Variants in MGAT4C observed in about 807,000 individuals in gnomAD.
MGAT4C encodes MGAT4 family member C, also known as alpha-1,3-mannosyl-glycoprotein 4-beta-N-acetylglucosaminyltransferase C.
MGAT4C carries 19 observed loss-of-function variants against 40.1 expected under a neutral mutation model. That is an observed-to-expected ratio of 0.47 (90% confidence interval 0.33 to 0.70). MGAT4C has a LOEUF of 0.70. Among genes scored for constraint, MGAT4C ranks in the 30% least tolerant of loss-of-function variants. The probability of loss-of-function intolerance (pLI) is 0.02; values close to 1 mark genes in which losing one functional copy is unlikely to be tolerated. For missense variants in MGAT4C, 491 were observed against 563.2 expected, an observed-to-expected ratio of 0.87 and a Z score of 1.30; for synonymous variants, 181 against 187.1, an observed-to-expected ratio of 0.97 and a Z score of 0.27.
chr12:86,054,178 T>C (rs970495474), intron 1 of MGAT4C, among the ~76,000 whole-genome samples: 20 of 151,992 alleles, frequency 1.3e-4, no homozygotes, highest in Non-Finnish European at 2.9e-4. Flanking sequence ...ATAGCCAAGA[T>C]ATGGAGTCAA....
chr12:86,441,331 T>TATTATTATTA (rs1565764758), intron 2 of MGAT4C, among the ~76,000 whole-genome samples: 162 of 150,938 alleles, frequency 1.1e-3, no homozygotes, highest in African/African-American at 3.7e-3. Context: ...ACTGATTTTT[T>TATTATTATTA]TTATTATTAT....
rs74647049 is a variant in MGAT4C at position 86,443,993 on chromosome 12, G to C, written c.-228-8728C>G. On this transcript the variant is annotated intron_variant, in intron 2 of 7. Coordinates refer to the MGAT4C transcript ENST00000548651. ...CCTCTGCGTTAATTCATCCTCATCG[G>C]TGTTTAATACTGTTTTAATATTTTT... Among the ~76,000 whole-genome samples, 14 of 152,100 alleles carry C rather than the reference G, an allele frequency of 9.2e-5. No individual in the cohort carries two copies. In the East Asian group the frequency reaches 2.3e-3, roughly 25 times the overall value.
intron 2 of MGAT4C, among the ~76,000 whole-genome samples, chr12:86,623,238 C>A (rs180745941): frequency 6.6e-6 from 1 of 151,974 alleles, no homozygotes; most frequent in Non-Finnish European, 1.5e-5. Context: ...AGATCAGGAC[C>A]AAGAATATGG....
At chr12:86,713,150 T>G (rs1950588671) in intron 2 of MGAT4C, among the ~76,000 whole-genome samples, 1 of 152,018 alleles carries the variant, frequency 6.6e-6, no homozygotes, top group African/African-American at 2.4e-5. Flanking sequence ...ATTAAGGGAT[T>G]CCACTTATGT....
At chr12:86,358,714 C>T (rs532693980) in intron 3 of MGAT4C, among the ~76,000 whole-genome samples, 4 of 151,970 alleles carry the variant, frequency 2.6e-5, no homozygotes, top group Admixed American at 6.6e-5. Context: ...CCAACAAAGA[C>T]CAAAAGAGAC....
At chr12:86,130,255 T>G (rs1462463117) in intron 1 of MGAT4C, among the ~76,000 whole-genome samples, 1 of 140,822 alleles carries the variant, frequency 7.1e-6, no homozygotes, top group Non-Finnish European at 1.5e-5. Flanking sequence ...TAGTACTGAC[T>G]AATAAACATT....
At chr12:86,010,328 T>C (rs999519969) in intron 2 of MGAT4C, among the ~76,000 whole-genome samples, 2 of 152,134 alleles carry the variant, frequency 1.3e-5, no homozygotes, top group Admixed American at 6.6e-5. Context: ...CCAAAATGAA[T>C]ATAAGAAAAA....
intron 3 of MGAT4C, among the ~76,000 whole-genome samples, chr12:86,366,505 TG>T (rs1955599288): frequency 6.6e-6 from 1 of 152,126 alleles, no homozygotes; most frequent in Non-Finnish European, 1.5e-5. Flanking sequence ...CAGTTGTAAG[TG>T]GGAGCTAAAC....
chr12:85,982,126 T>G (rs1448828608), intron 4 of MGAT4C, among the ~76,000 whole-genome samples: 1 of 152,166 alleles, frequency 6.6e-6, no homozygotes, highest in African/African-American at 2.4e-5. Context: ...TTCACATAAT[T>G]TATTAAGATC....
intron 4 of MGAT4C, among the ~76,000 whole-genome samples, chr12:86,318,764 C>T (rs1279247367): frequency 2.0e-5 from 3 of 152,058 alleles, no homozygotes; most frequent in Admixed American, 1.3e-4. Flanking sequence ...ACCATCCCAA[C>T]GGCACATCTT....
At chr12:86,548,383 T>C (rs1959214351) in intron 2 of MGAT4C, among the ~76,000 whole-genome samples, 1 of 152,134 alleles carries the variant, frequency 6.6e-6, no homozygotes, top group Admixed American at 6.5e-5. Flanking sequence ...ATTTAATATA[T>C]TCCCCTTAAG....
chr12:86,644,235 A>G (rs180752214), intron 2 of MGAT4C, among the ~76,000 whole-genome samples: 194 of 151,844 alleles, frequency 1.3e-3, no homozygotes, highest in African/African-American at 4.5e-3. Flanking sequence ...GCTCACTTAA[A>G]TCAATAAGAA....
intron 1 of MGAT4C, among the ~76,000 whole-genome samples, chr12:86,237,318 T>C (rs1314354091): frequency 6.6e-6 from 1 of 151,760 alleles, no homozygotes; most frequent in Non-Finnish European, 1.5e-5. Context: ...TTCTTATCAA[T>C]AAAATTGTGA....
chr12:86,149,820 T>G (rs941415733), intron 1 of MGAT4C, among the ~76,000 whole-genome samples: 2 of 152,210 alleles, frequency 1.3e-5, no homozygotes, highest in African/African-American at 4.8e-5. Context: ...ACTACCATGG[T>G]TCTCAATAAA....
chr12:86,255,664 A>G (rs539801003), intron 1 of MGAT4C, among the ~76,000 whole-genome samples: 1 of 152,246 alleles, frequency 6.6e-6, no homozygotes, highest in South Asian at 2.1e-4. Flanking sequence ...AAAATTTTTC[A>G]TTATTATTAT....
At chr12:86,478,125 T>A (rs987979910) in intron 2 of MGAT4C, among the ~76,000 whole-genome samples, 1 of 152,148 alleles carries the variant, frequency 6.6e-6, no homozygotes, top group African/African-American at 2.4e-5. Flanking sequence ...CTTCAAGTTG[T>A]TCATAATTTA....
chr12:86,643,648 T>C (rs1249624054), intron 2 of MGAT4C, among the ~76,000 whole-genome samples: 3 of 151,856 alleles, frequency 2.0e-5, no homozygotes, highest in Admixed American at 6.6e-5. Context: ...GACAAATTCA[T>C]AGAAACAGAA....
intron 1 of MGAT4C, among the ~76,000 whole-genome samples, chr12:86,817,197 A>G (rs1256261776): frequency 6.6e-6 from 1 of 151,304 alleles, no homozygotes; most frequent in Non-Finnish European, 1.5e-5. Context: ...CAATTGTTGA[A>G]TTTAATACTT....
chr12:86,073,162 G>C (rs1647314748), intron 1 of MGAT4C, among the ~76,000 whole-genome samples: 1 of 152,098 alleles, frequency 6.6e-6, no homozygotes, highest in African/African-American at 2.4e-5. Context: ...AGATATGATG[G>C]TTTTAATAGG....
Sources: gnomAD v4.1 joint callset for allele counts (sites outside exome capture counted in the v4.1 genomes callset) on GRCh38, gnomAD v4.1.1 for gene constraint, MANE v1.5 for transcripts, NCBI Gene and HGNC (gene_info 2026-07-23, HGNC 2026-07-21) for gene names.